Variants in CEP85L observed in about 807,000 individuals in gnomAD.
CEP85L encodes the protein centrosomal protein of 85 kDa-like.
In CEP85L, 60 loss-of-function variants were observed where a neutral mutation model predicts 100.3. The observed-to-expected ratio is 0.60, with a 90% CI of 0.49 to 0.74. CEP85L has a LOEUF of 0.74. Ranked by LOEUF, CEP85L falls within the 30% of genes least tolerant of loss-of-function variation. The pLI, the probability that CEP85L is intolerant of heterozygous loss-of-function variation, is 0.00. For missense variants in CEP85L, 973 were observed against 936.2 expected, an observed-to-expected ratio of 1.04 and a Z score of -0.51; for synonymous variants, 319 against 322.7, an observed-to-expected ratio of 0.99 and a Z score of 0.12.
At chr6:118,583,125 T>A (rs148662658) in intron 2 of CEP85L, among the ~76,000 whole-genome samples, 3,858 of 152,260 alleles carry the variant, frequency 0.025, 58 homozygotes, top group Non-Finnish European at 0.04. Context: ...TGGAGATGGA[T>A]CTGCCCCCAG....
rs1459879319 is a variant in CEP85L at position 118,483,728 on chromosome 6, T to C, written c.1568A>G (p.Asp523Gly). Residue 523 changes from aspartate to glycine, a missense_variant, in exon 7 of 13, where the codon GAT becomes GGT. Coordinates refer to ENST00000368491, the MANE Select transcript of CEP85L (RefSeq NM_001042475.3). ...TACCTGTAGACTCTGACTCTGTACA[T>C]CATCTAGAGTTGGAAGATCAGCCAG... The part of the protein sequence containing the change: ...KYLADLPTLD[D>G]VQSQSLQLQI... 1 of 1,613,328 alleles carries C rather than the reference T, an allele frequency of 6.2e-7. No individual in the cohort carries two copies.
chr6:118,606,941 A>G (rs1772265166), intron 2 of CEP85L, among the ~76,000 whole-genome samples: 1 of 152,148 alleles, frequency 6.6e-6, no homozygotes, highest in Admixed American at 6.5e-5. Flanking sequence ...GAAGCCTGAA[A>G]TCTGACTGGT....
chr6:118,651,982 G>A (rs1026375713), upstream of CEP85L: 12 of 843,902 alleles, frequency 1.4e-5, no homozygotes, highest in Middle Eastern at 6.0e-4. Flanking sequence ...GCGGCTGAGG[G>A]GGCTTCCAGC....
At chr6:118,537,743 G>A (rs1004273826) in intron 3 of CEP85L, 2 of 985,230 alleles carry the variant, frequency 2.0e-6, no homozygotes, top group Admixed American at 1.2e-4. Context: ...GTTAAATTTA[G>A]ATAATCCAGT....
chr6:118,511,643 G>C (rs533835264), intron 4 of CEP85L, among the ~76,000 whole-genome samples: 8 of 152,270 alleles, frequency 5.3e-5, no homozygotes, highest in Admixed American at 2.0e-4. Context: ...ATGATGCTAA[G>C]AGCTTTGTAT....
chr6:118,467,238 T>C (rs560428003), intron 12 of CEP85L, among the ~76,000 whole-genome samples: 50 of 152,226 alleles, frequency 3.3e-4, no homozygotes, highest in African/African-American at 1.2e-3. Context: ...GTGAAAGGTA[T>C]GGCAGTAACA....
rs567778125 is a variant in CEP85L, at chr6:118,526,645, G to C, written c.1021-2725C>G. On this transcript the variant is annotated intron_variant, in intron 3 of 12. Transcript: ENST00000368491. ...TCACAAAGACCTGGCTTATAAAATAGGATGGGGTAAAAAAGCTGGCCAAAA... is the reference window on the plus strand; with the variant it reads ...TCACAAAGACCTGGCTTATAAAATACGATGGGGTAAAAAAGCTGGCCAAAA... Among the ~76,000 whole-genome samples, 28 of 152,316 alleles carry C rather than the reference G, an allele frequency of 1.8e-4. No individual in the cohort carries two copies. In the South Asian group the frequency reaches 5.8e-3, roughly 32 times the overall value.
intron 1 of CEP85L, among the ~76,000 whole-genome samples, chr6:118,697,887 T>G (rs1777267489): frequency 6.6e-6 from 1 of 152,208 alleles, no homozygotes; most frequent in South Asian, 2.1e-4. Context: ...CCAAGTGCTA[T>G]TCCTTCAAAG....
chr6:118,597,185 T>C (rs1583135992), intron 2 of CEP85L, among the ~76,000 whole-genome samples: 1 of 152,228 alleles, frequency 6.6e-6, no homozygotes, highest in East Asian at 1.9e-4. Context: ...CTTTTCTTTA[T>C]AAATTACCCA....
intron 1 of CEP85L, among the ~76,000 whole-genome samples, chr6:118,661,607 T>C (rs1775975731): frequency 6.6e-6 from 1 of 152,126 alleles, no homozygotes; most frequent in East Asian, 1.9e-4. Context: ...AGGAATTGCC[T>C]GGATCTTTGT....
At chr6:118,708,998 A>G (rs1209422520) in intron 1 of CEP85L, among the ~76,000 whole-genome samples, 8 of 152,214 alleles carry the variant, frequency 5.3e-5, no homozygotes. Context: ...AAAAGCAAAC[A>G]AAACAGGCAG....
At chr6:118,516,761 CT>C (rs1776306489) in intron 4 of CEP85L, among the ~76,000 whole-genome samples, 1 of 152,114 alleles carries the variant, frequency 6.6e-6, no homozygotes, top group African/African-American at 2.4e-5. Flanking sequence ...TTAGATCCCA[CT>C]TGTCAATTTT....
At chr6:118,522,299 G>T (rs1473587102) in intron 4 of CEP85L, among the ~76,000 whole-genome samples, 2 of 152,168 alleles carry the variant, frequency 1.3e-5, no homozygotes, top group African/African-American at 2.4e-5. Flanking sequence ...GGTGGAGGTT[G>T]TGGTGAGCCG....
intron 2 of CEP85L, among the ~76,000 whole-genome samples, chr6:118,601,371 T>C (rs1781779950): frequency 6.6e-6 from 1 of 152,234 alleles, no homozygotes; most frequent in Admixed American, 6.5e-5. Context: ...GCAATTTTAT[T>C]GGTAAAGACA....
chr6:118,646,325 G>T (rs994424456), intron 1 of CEP85L, among the ~76,000 whole-genome samples: 1 of 78,528 alleles, frequency 1.3e-5, no homozygotes, highest in African/African-American at 4.6e-5. Flanking sequence ...CTTTGCCAGT[G>T]TAAAATATGA....
At chr6:118,704,777 G>C (rs1212963947) in intron 1 of CEP85L, among the ~76,000 whole-genome samples, 1 of 152,044 alleles carries the variant, frequency 6.6e-6, no homozygotes, top group Non-Finnish European at 1.5e-5. Flanking sequence ...GGCCAAAAGA[G>C]CCTAGTTTTA....
At chr6:118,643,178 A>G (rs1004454120) in intron 1 of CEP85L, among the ~76,000 whole-genome samples, 5 of 152,238 alleles carry the variant, frequency 3.3e-5, no homozygotes, top group African/African-American at 9.6e-5. Flanking sequence ...TTATAAATAT[A>G]TGGAAGTTTT....
At chr6:118,475,968 A>C (rs1218525183) in intron 10 of CEP85L, among the ~76,000 whole-genome samples, 8 of 152,140 alleles carry the variant, frequency 5.3e-5, no homozygotes, top group Admixed American at 5.2e-4. Context: ...TTCATCCCAG[A>C]GATACTGATT....
intron 1 of CEP85L, among the ~76,000 whole-genome samples, chr6:118,686,172 T>C (rs1193059243): frequency 6.6e-6 from 1 of 150,578 alleles, no homozygotes; most frequent in African/African-American, 2.5e-5. Flanking sequence ...TCGGAAGATA[T>C]ATGTTCTAAA....
Sources: gnomAD v4.1 joint callset for allele counts (sites outside exome capture counted in the v4.1 genomes callset) on GRCh38, gnomAD v4.1.1 for gene constraint, MANE v1.5 for transcripts, NCBI Gene and HGNC (gene_info 2026-07-23, HGNC 2026-07-21) for gene names.